DACH1: variants seen among roughly 807,000 people sequenced by gnomAD.
DACH1 encodes dachshund family transcription factor 1.
DACH1 carries 12 observed loss-of-function variants against 54.2 expected under a neutral mutation model. That is an observed-to-expected ratio of 0.22 (90% CI 0.14 to 0.36). The LOEUF (loss-of-function observed/expected upper bound fraction) is 0.36, where lower values mean the gene tolerates loss of function less well. Among genes scored for constraint, DACH1 ranks in the 10% least tolerant of loss-of-function variants. DACH1 has a pLI of 1.00. For synonymous variants in DACH1, 386 were observed against 366.2 expected, an observed-to-expected ratio of 1.05 and a Z score of -0.62; for missense variants, 805 against 929.8, an observed-to-expected ratio of 0.87 and a Z score of 1.75.
intron 1 of DACH1, among the ~76,000 whole-genome samples, chr13:71,734,192 C>A (rs1386986899): frequency 3.6e-5 from 1 of 27,560 alleles, no homozygotes; most frequent in African/African-American, 1.5e-4. Context: ...ATCCCATATA[C>A]GTATACCCAT....
chr13:71,575,039 C>T (rs530161274), intron 3 of DACH1, among the ~76,000 whole-genome samples: 1 of 152,056 alleles, frequency 6.6e-6, no homozygotes, highest in East Asian at 1.9e-4. Context: ...AACATCTGCT[C>T]TTTACATTGC....
At chr13:71,493,044 T>C (rs1879121682) in intron 6 of DACH1, among the ~76,000 whole-genome samples, 1 of 150,920 alleles carries the variant, frequency 6.6e-6, no homozygotes, top group South Asian at 2.1e-4. Context: ...TTTTTTTTTA[T>C]GGGCATGTAG....
chr13:71,757,325 T>C (rs1453098184), intron 1 of DACH1, among the ~76,000 whole-genome samples: 3 of 152,100 alleles, frequency 2.0e-5, no homozygotes, highest in Admixed American at 1.3e-4. Context: ...TAACTTGATT[T>C]TTTTAAAGGC....
intron 1 of DACH1, among the ~76,000 whole-genome samples, chr13:71,783,564 G>C (rs1886467551): frequency 6.6e-6 from 1 of 152,060 alleles, no homozygotes; most frequent in African/African-American, 2.4e-5. Context: ...TTGTACCAGG[G>C]AACCAGAATA....
chr13:71,813,937 T>G (rs563770900), intron 1 of DACH1, among the ~76,000 whole-genome samples: 44 of 152,252 alleles, frequency 2.9e-4, no homozygotes, highest in Middle Eastern at 6.8e-3. Flanking sequence ...GCTTAAATGG[T>G]GACGTTAAGC....
At chr13:71,524,788 T>C (rs1881842926) in intron 6 of DACH1, among the ~76,000 whole-genome samples, 1 of 148,440 alleles carries the variant, frequency 6.7e-6, no homozygotes, top group South Asian at 2.1e-4. Flanking sequence ...AGCAATGTTA[T>C]TTTTTTTTTA....
intron 1 of DACH1, among the ~76,000 whole-genome samples, chr13:71,760,659 A>G (rs1460577753): frequency 6.6e-6 from 1 of 152,198 alleles, no homozygotes; most frequent in African/African-American, 2.4e-5. Context: ...AAAAATAGAT[A>G]CTGGCATATT....
At chr13:71,724,527 C>G in intron 1 of DACH1, among the ~76,000 whole-genome samples, 1 of 152,098 alleles carries the variant, frequency 6.6e-6, no homozygotes. Context: ...ATAACTTGTT[C>G]AAAATAACTT....
intron 3 of DACH1, among the ~76,000 whole-genome samples, chr13:71,605,175 T>C (rs1874781778): frequency 6.6e-6 from 1 of 151,946 alleles, no homozygotes; most frequent in South Asian, 2.1e-4. Flanking sequence ...AAGATGACTA[T>C]GCCTGTATAC....
intron 1 of DACH1, among the ~76,000 whole-genome samples, chr13:71,722,698 C>G (rs1373591462): frequency 6.6e-6 from 1 of 152,136 alleles, no homozygotes; most frequent in Non-Finnish European, 1.5e-5. Context: ...CACACAGTAT[C>G]ATTCAGTTTC....
At chr13:71,544,958 C>A (rs1359956646) in intron 6 of DACH1, among the ~76,000 whole-genome samples, 1 of 151,952 alleles carries the variant, frequency 6.6e-6, no homozygotes, top group Non-Finnish European at 1.5e-5. Flanking sequence ...TTCTACTAAG[C>A]CCTAGATTAC....
At chr13:71,835,449 T>C (rs545390473) in intron 1 of DACH1, among the ~76,000 whole-genome samples, 1 of 152,060 alleles carries the variant, frequency 6.6e-6, no homozygotes, top group South Asian at 2.1e-4. Context: ...AGGGTAAGAA[T>C]CCTGTTCTCT....
chr13:71,469,792 A>G (rs1593743295), intron 10 of DACH1, among the ~76,000 whole-genome samples: 2 of 152,350 alleles, frequency 1.3e-5, no homozygotes, highest in East Asian at 3.9e-4. Flanking sequence ...GAAAGAAGAT[A>G]TTTTTACATT....
intron 1 of DACH1, among the ~76,000 whole-genome samples, chr13:71,833,920 T>C (rs1179619241): frequency 6.6e-6 from 1 of 152,034 alleles, no homozygotes; most frequent in Non-Finnish European, 1.5e-5. Flanking sequence ...AAAATTCAAG[T>C]ACACCCTATC....
At chr13:71,445,251 AAAGTTT>A (rs1363778056) in intron 10 of DACH1, among the ~76,000 whole-genome samples, 1 of 152,180 alleles carries the variant, frequency 6.6e-6, no homozygotes, top group African/African-American at 2.4e-5. Context: ...TAGAAATGTT[AAAGTTT>A]ATCTAAAACT....
intron 1 of DACH1, among the ~76,000 whole-genome samples, chr13:71,776,573 G>T (rs1157503482): frequency 6.6e-6 from 1 of 151,982 alleles, no homozygotes; most frequent in Non-Finnish European, 1.5e-5. Flanking sequence ...TAAAAAAGGA[G>T]AAATAACAGT....
intron 3 of DACH1, among the ~76,000 whole-genome samples, chr13:71,589,095 T>C (rs1042616418): frequency 6.6e-6 from 1 of 152,076 alleles, no homozygotes; most frequent in Non-Finnish European, 1.5e-5. Flanking sequence ...TAACTGGTTA[T>C]GACAATTTTT....
chr13:71,573,352 T>C (rs922256376), intron 3 of DACH1: 74 of 699,766 alleles, frequency 1.1e-4, no homozygotes, highest in Non-Finnish European at 1.7e-4. Context: ...TATGTCCTAT[T>C]TTGCCAACTG....
chr13:71,652,512 A>G (rs1471249180), intron 2 of DACH1, among the ~76,000 whole-genome samples: 1 of 152,124 alleles, frequency 6.6e-6, no homozygotes, highest in African/African-American at 2.4e-5. Flanking sequence ...ACTCCGAAGA[A>G]CTATCCTTCA....
Sources: gnomAD v4.1 joint callset for allele counts (sites outside exome capture counted in the v4.1 genomes callset) on GRCh38, gnomAD v4.1.1 for gene constraint, MANE v1.5 for transcripts, NCBI Gene and HGNC (gene_info 2026-07-23, HGNC 2026-07-21) for gene names.